Variants in USP22 observed in about 807,000 individuals in gnomAD.
USP22 encodes the protein ubiquitin carboxyl-terminal hydrolase 22.
In USP22, 22 loss-of-function variants were observed where a neutral mutation model predicts 68.1. That is an observed-to-expected ratio of 0.32 (90% CI 0.23 to 0.46). The LOEUF (loss-of-function observed/expected upper bound fraction) is 0.46, where lower values mean the gene tolerates loss of function less well. Ranked by LOEUF, USP22 falls within the 20% of genes least tolerant of loss-of-function variation. USP22 has a pLI of 1.00. For missense variants in USP22, 433 were observed against 695.8 expected (o/e 0.62, Z 4.25); for synonymous variants, 279 against 274.2 (o/e 1.02, Z -0.17).
In USP22 at chr17:21,015,865, T is replaced by C; in HGVS notation, c.725A>G (p.Tyr242Cys). Residue 242 changes from tyrosine to cysteine, a missense_variant, in exon 6 of 13, where the codon TAT becomes TGT. Tyr to Cys is a radical substitution (Grantham distance 194). Around this residue, in one of 4 missense-constraint regions of USP22, gnomAD observed 144 missense variants for 237.2 expected, o/e 0.61. Transcript: ENST00000261497. ...YSGHRSPHIPYKLLHLVWTHA... is the reference protein window; with the variant it reads ...YSGHRSPHIPCKLLHLVWTHA... Reference sequence around the variant, plus strand: ...GGTCCACACCAGGTGCAGCAACTTATACGGGATGTGAGGGGACCGGTGTCC... The same window carrying C: ...GGTCCACACCAGGTGCAGCAACTTACACGGGATGTGAGGGGACCGGTGTCC... 1 of 1,614,036 alleles carries C rather than the reference T, an allele frequency of 6.2e-7. No individual in the cohort carries two copies. The highest frequency in any genetic ancestry group is 8.5e-7 in the Non-Finnish European group (1 of 1,180,016).
At chr17:21,011,371 C>G (rs1389416419) in intron 7 of USP22, 62 bp from the exon 8 acceptor site, 8 of 1,543,604 alleles carry the variant, frequency 5.2e-6, no homozygotes, top group South Asian at 4.8e-5. Context: ...CAGAGGCAAC[C>G]CGGGGTGGAA....
intron 1 of USP22, 98 bp downstream of exon 1, chr17:21,042,567 G>A: frequency 8.4e-7 from 1 of 1,184,704 alleles, no homozygotes; most frequent in Non-Finnish European, 1.1e-6. Flanking sequence ...AAAGGCAACG[G>A]GGGAAGGGAA....
At chr17:21,017,443 C>T (rs942727311) in intron 5 of USP22, among the ~76,000 whole-genome samples, 4 of 152,212 alleles carry the variant, frequency 2.6e-5, no homozygotes, top group Non-Finnish European at 5.9e-5. Context: ...GCTCTGATGC[C>T]GGGGACAGAA....
chr17:21,029,329 A>C (rs1442087718), intron 1 of USP22, among the ~76,000 whole-genome samples: 1 of 152,218 alleles, frequency 6.6e-6, no homozygotes, highest in Non-Finnish European at 1.5e-5. Context: ...CGAGCACAGA[A>C]ATGAGTAAGA....
At chr17:21,005,135 C>T (rs767006114) in intron 10 of USP22, 145 bp from the exon 11 acceptor site, 266 of 950,556 alleles carry the variant, frequency 2.8e-4, no homozygotes, top group Admixed American at 3.7e-4. Flanking sequence ...GAAATCTCCC[C>T]ATGTTTCGTG....
chr17:21,008,519 G>A (rs1042224469), intron 8 of USP22, among the ~76,000 whole-genome samples: 2 of 152,178 alleles, frequency 1.3e-5, no homozygotes, highest in African/African-American at 4.8e-5. Flanking sequence ...AATCTCAAAG[G>A]GTTCCGTTAT....
At chr17:21,021,623 C>A (rs1972157481) in intron 2 of USP22, among the ~76,000 whole-genome samples, 1 of 152,200 alleles carries the variant, frequency 6.6e-6, no homozygotes, top group African/African-American at 2.4e-5. Context: ...ATTCCTGACA[C>A]CATCACCATA....
Position 21,004,791 on chromosome 17 carries a change from T to C in USP22, c.1385+137A>G, listed in dbSNP as rs78986442. The C allele has an allele frequency of 3.1e-5, 6 of 193,168 alleles. No homozygotes were observed. The Admixed American group carries it at 4.0e-4, about 13-fold the overall frequency. 12.0% of individuals were successfully genotyped at this position (193,168 alleles called of 1,614,324 possible). The stretch of plus-strand genomic sequence containing the variant: ...TCCTAGTGGAGCTGCGGGCAGCCAA[T>C]AGTGGAGCTGCGGGCAGCCAAGCGG... On this transcript the variant is annotated intron_variant, in intron 11 of 12. Coordinates refer to ENST00000261497, the MANE Select transcript of USP22 (RefSeq NM_015276.2).
intron 2 of USP22, among the ~76,000 whole-genome samples, chr17:21,024,873 T>C (rs1222845880): frequency 2.0e-5 from 3 of 151,836 alleles, no homozygotes; most frequent in Non-Finnish European, 4.4e-5. Context: ...GAGGCTGAGG[T>C]TGGGAGGATC....
chr17:21,016,981 C>A (rs1340886298), intron 5 of USP22, among the ~76,000 whole-genome samples: 1 of 152,182 alleles, frequency 6.6e-6, no homozygotes, highest in Non-Finnish European at 1.5e-5. Flanking sequence ...AGTGATACAA[C>A]CACCCACCAA....
chr17:21,007,110 CT>C (rs1481398213), intron 9 of USP22, 123 bp from the exon 10 acceptor site: 7 of 803,642 alleles, frequency 8.7e-6, no homozygotes, highest in Non-Finnish European at 9.6e-6. Flanking sequence ...ATTGAACTGC[CT>C]TGTAGCTACA....
chr17:21,004,632 C>A (rs1458023274), intron 11 of USP22, among the ~76,000 whole-genome samples: 1 of 152,224 alleles, frequency 6.6e-6, no homozygotes, highest in Non-Finnish European at 1.5e-5. Flanking sequence ...GCCTTTCATA[C>A]TTTCTACAAC....
rs1913497414 is a variant in USP22 at position 20,999,816 on chromosome 17, A to G, written c.*3215T>C. 2 of 152,220 alleles carry G rather than the reference A, an allele frequency of 1.3e-5. No homozygotes were observed. Among genetic ancestry groups the G allele is most frequent in the African/African-American group, 2.4e-5 (1 of 41,454 alleles). The allele number at this position is 152,220 out of a possible 1,614,324, so 9.4% of individuals were successfully genotyped here. On this transcript the variant is annotated 3_prime_UTR_variant, in exon 13 of 13. Coordinates refer to ENST00000261497, the MANE Select transcript of USP22 (RefSeq NM_015276.2). ...CACTTAAATTGTCAAAAGAACAGCA[A>G]TTTTACACAATGAAGAGCATACACA...
At chr17:21,027,114 AG>A (rs1972230407) in intron 2 of USP22, among the ~76,000 whole-genome samples, 1 of 151,456 alleles carries the variant, frequency 6.6e-6, no homozygotes, top group South Asian at 2.1e-4. Context: ...TTTTCAACAC[AG>A]GAAGTCACTC....
chr17:21,004,447 G>A lies in USP22; in HGVS notation c.1386-96C>T, dbSNP rs372075679. On this transcript the variant is annotated intron_variant, in intron 11 of 12. Coordinates refer to ENST00000261497, the MANE Select transcript of USP22 (RefSeq NM_015276.2). ...AAACCAGGCAGCCCAGGCAGGGAGC[G>A]GGAGGCCTGTGGGCCTGTCAACCCC... The A allele has an allele frequency of 4.6e-5, 69 of 1,502,890 alleles. No homozygotes were observed. In the African/African-American group the frequency reaches 7.6e-4, roughly 16 times the overall value. 93.1% of individuals were successfully genotyped at this position (1,502,890 alleles called of 1,614,324 possible).
chr17:21,011,219 G>C lies in USP22; in HGVS notation c.1035C>G (p.Ser345Arg). The change falls in exon 8 of 13, where the codon AGC (serine) becomes AGG (arginine). Residue 345 changes from serine (S) to arginine (R), a missense_variant. By Grantham distance (110) the Ser-to-Arg change is moderately radical (BLOSUM62 -1). Coordinates refer to ENST00000261497, the MANE Select transcript of USP22 (RefSeq NM_015276.2). ...TTTCCCCGTTTACCACGTTGCCCTC[G>C]CTCCCTGGGCTCAGGGGCCAGAATG... ...STPFWPLSPG[S>R]EGNVVNGESH... is the part of the protein sequence containing the mutation. 6.2e-7 allele frequency: 1 copy of C among 1,610,672 alleles called. No individual in the cohort carries two copies. Among genetic ancestry groups the C allele is most frequent in the Non-Finnish European group, 8.5e-7 (1 of 1,178,446 alleles).
chr17:21,033,165 C>A (rs1363662106), intron 1 of USP22, among the ~76,000 whole-genome samples: 1 of 152,108 alleles, frequency 6.6e-6, no homozygotes, highest in Non-Finnish European at 1.5e-5. Context: ...CAGGATTCCC[C>A]AGGCTGGCGG....
intron 2 of USP22, among the ~76,000 whole-genome samples, chr17:21,024,926 G>A (rs906530905): frequency 5.3e-5 from 8 of 152,148 alleles, no homozygotes; most frequent in Admixed American, 3.3e-4. Context: ...CTGTGATTGT[G>A]CCACTGCACT....
chr17:21,041,935 T>G (rs1972438307), intron 1 of USP22, among the ~76,000 whole-genome samples: 1 of 152,162 alleles, frequency 6.6e-6, no homozygotes, highest in Non-Finnish European at 1.5e-5. Context: ...ACCCGGGCTG[T>G]GGCTCCGCAC....
Sources: gnomAD v4.1 joint callset for allele counts (sites outside exome capture counted in the v4.1 genomes callset) on GRCh38, gnomAD v4.1.1 for gene constraint, gnomAD v4.1.1 regional missense constraint, MANE v1.5 for transcripts, NCBI Gene and HGNC (gene_info 2026-07-23, HGNC 2026-07-21) for gene names.